Variants in PROM1 observed in about 807,000 individuals in gnomAD.
The protein encoded by PROM1 is prominin-1.
Under a neutral mutation model 116.9 loss-of-function variants are expected in PROM1, and 105 were observed. The observed-to-expected ratio is 0.90, with a 90% CI of 0.77 to 1.06. PROM1 has a LOEUF of 1.06. Among genes scored for constraint, PROM1 ranks in the 50% least tolerant of loss-of-function variants. PROM1 has a pLI of 0.00. For missense variants in PROM1, 1,122 were observed against 1,045.2 expected (o/e 1.07, Z -1.01); for synonymous variants, 393 against 387.0 (o/e 1.02, Z -0.18).
At chr4:16,016,087 T>C in intron 10 of PROM1, 79 bp downstream of exon 10, 7 of 1,245,928 alleles carry the variant, frequency 5.6e-6, no homozygotes, top group African/African-American at 1.5e-5. Flanking sequence ...GCTTTTTTGC[T>C]ATTTCCTATT....
rs1367351919 is a variant in PROM1, at chr4:15,968,855, C to T, written c.*538G>A. On this transcript the variant is annotated 3_prime_UTR_variant, in exon 28 of 28. Transcript: ENST00000447510. ...AGTGAAAATGGATTATTTTCAACAG[C>T]ACCAAGAAGTCAATGGTGACTTATT... 1 of 152,196 alleles carries T rather than the reference C, an allele frequency of 6.6e-6. No individual in the cohort carries two copies. Among genetic ancestry groups the T allele is most frequent in the Non-Finnish European group, 1.5e-5 (1 of 68,044 alleles). The allele number at this position is 152,196 out of a possible 1,614,324, so 9.4% of individuals were successfully genotyped here.
intron 8 of PROM1, among the ~76,000 whole-genome samples, chr4:16,019,186 T>C (rs1729194426): frequency 6.6e-6 from 1 of 152,188 alleles, no homozygotes; most frequent in Admixed American, 6.5e-5. Context: ...CTGTTTAATT[T>C]TGCAAACCCT....
In PROM1 at chr4:16,055,700, A is replaced by G. The variant is rs9993135; in HGVS notation, c.221-16699T>C. On this transcript the variant is annotated intron_variant, in intron 2 of 27. Coordinates refer to ENST00000447510, the MANE Select transcript of PROM1 (RefSeq NM_006017.3). Reference sequence around the variant, plus strand: ...ACAGATGTGAAAACGGTCAACCTTGACGGTAATGAGAAATATATATTTTTA... The same window carrying G: ...ACAGATGTGAAAACGGTCAACCTTGGCGGTAATGAGAAATATATATTTTTA... Among the ~76,000 whole-genome samples the G allele has an allele frequency of 1.4e-3, 210 of 152,318 alleles. 3 individuals are homozygous for G. The highest frequency in any genetic ancestry group is 4.8e-3 in the African/African-American group (199 of 41,580).
chr4:15,980,373 G>A, intron 24 of PROM1, 49 bp downstream of exon 24: 1 of 1,227,700 alleles, frequency 8.1e-7, no homozygotes, highest in Non-Finnish European at 1.2e-6. Flanking sequence ...TTTGAAGACA[G>A]CACCACCTAG....
chr4:15,974,537 C>T (rs1039464579), intron 26 of PROM1, among the ~76,000 whole-genome samples: 2 of 152,194 alleles, frequency 1.3e-5, no homozygotes, highest in Non-Finnish European at 2.9e-5. Flanking sequence ...TCCTGGGAAA[C>T]GCTCCATGAA....
At chr4:15,995,751 C>T (rs1215711786) in intron 15 of PROM1, among the ~76,000 whole-genome samples, 1 of 152,198 alleles carries the variant, frequency 6.6e-6, no homozygotes, top group African/African-American at 2.4e-5. Context: ...CCATTTCCCT[C>T]AGGTAGTCCT....
chr4:16,039,292 G>A (rs935977051), intron 2 of PROM1, among the ~76,000 whole-genome samples: 3 of 152,072 alleles, frequency 2.0e-5, no homozygotes, highest in Non-Finnish European at 2.9e-5. Context: ...CCAGCAAACC[G>A]CATACAGCTT....
intron 2 of PROM1, among the ~76,000 whole-genome samples, chr4:16,058,434 G>T (rs1282636524): frequency 6.6e-6 from 1 of 152,120 alleles, no homozygotes; most frequent in African/African-American, 2.4e-5. Context: ...GATCACCTGA[G>T]GTCAGGAGTT....
intron 2 of PROM1, among the ~76,000 whole-genome samples, chr4:16,063,459 G>A (rs1316419102): frequency 6.6e-6 from 1 of 152,136 alleles, no homozygotes; most frequent in Non-Finnish European, 1.5e-5. Flanking sequence ...AGCCAAGCAT[G>A]GTGGCACATG....
intron 2 of PROM1, among the ~76,000 whole-genome samples, chr4:16,056,393 G>A (rs1235676840): frequency 3.3e-5 from 5 of 152,230 alleles, no homozygotes; most frequent in African/African-American, 9.6e-5. Context: ...GCTCTTGCAC[G>A]CAACAATTAT....
intron 26 of PROM1, 71 bp from the exon 27 acceptor site, chr4:15,971,153 TAAG>T: frequency 7.5e-7 from 1 of 1,326,778 alleles, no homozygotes; most frequent in East Asian, 2.5e-5. Context: ...ACCTCTGTGC[TAAG>T]AAGCAGGCAT....
At chr4:16,041,775 TAAATAAATAA>T (rs1213917679) in intron 2 of PROM1, among the ~76,000 whole-genome samples, 7,004 of 48,698 alleles carry the variant, frequency 0.14, 308 homozygotes, top group African/African-American at 0.26. Context: ...AATAAATAAA[TAAATAAATAA>T]ATATATATAT....
rs1490681961 is a variant in PROM1, at chr4:15,987,663, C to A, written c.2130G>T (p.Leu710Phe). 6.2e-7 allele frequency: 1 copy of A among 1,609,568 alleles called. No individual in the cohort carries two copies. The highest frequency in any genetic ancestry group is 8.5e-7 in the Non-Finnish European group (1 of 1,178,046). ...GACAGAAAACAAAGTAAACCCTTAC[C>A]AACAATCCATTCCCTGTGCGTTGAA... ...KILQRTGNGL[L>F]ERVTRILASL... The change falls in exon 20 of 28, where the codon TTG becomes TTT. Residue 710 changes from leucine (L) to phenylalanine (F), a missense_variant and splice_region_variant. Leu to Phe is a conservative substitution (Grantham distance 22, BLOSUM62 0). Transcript: ENST00000447510.
At chr4:16,046,605 G>A (rs1393260743) in intron 2 of PROM1, among the ~76,000 whole-genome samples, 2 of 152,156 alleles carry the variant, frequency 1.3e-5, no homozygotes, top group African/African-American at 4.8e-5. Flanking sequence ...CTGTTAGGTT[G>A]ATCGGAAAAG....
At chr4:16,024,727 G>A (rs551222825) in intron 6 of PROM1, among the ~76,000 whole-genome samples, 6 of 152,188 alleles carry the variant, frequency 3.9e-5, no homozygotes, top group Admixed American at 6.5e-5. Flanking sequence ...GTGTGTGTGT[G>A]ATAGAGACTG....
intron 2 of PROM1, among the ~76,000 whole-genome samples, chr4:16,052,080 C>T (rs1252028393): frequency 1.3e-5 from 2 of 152,184 alleles, no homozygotes; most frequent in East Asian, 1.9e-4. Context: ...TCTATATCTA[C>T]GCCTGTTTAT....
chr4:15,982,555 T>C (rs1441652628), intron 23 of PROM1, among the ~76,000 whole-genome samples: 2 of 152,198 alleles, frequency 1.3e-5, no homozygotes, highest in Admixed American at 6.5e-5. Flanking sequence ...TTCCTTACGA[T>C]GTAAACCCTC....
chr4:16,081,810 A>T (rs1745091826), intron 1 of PROM1, among the ~76,000 whole-genome samples: 1 of 152,190 alleles, frequency 6.6e-6, no homozygotes, highest in South Asian at 2.1e-4. Context: ...ACACAAAGAA[A>T]CTGTCTCGTA....
At chr4:15,992,027 T>C (rs912745483) in intron 17 of PROM1, among the ~76,000 whole-genome samples, 1 of 150,758 alleles carries the variant, frequency 6.6e-6, no homozygotes, top group African/African-American at 2.4e-5. Flanking sequence ...GCAACTGCTT[T>C]GGGGTTTGCT....
Sources: allele counts gnomAD v4.1 joint callset (sites outside exome capture counted in the v4.1 genomes callset), GRCh38; gene constraint gnomAD v4.1.1; transcripts MANE v1.5; gene names NCBI Gene and HGNC (gene_info 2026-07-23, HGNC 2026-07-21).